Variants in GPC3 observed in about 807,000 individuals in gnomAD.
GPC3 encodes the protein glypican 3.
In GPC3, 3 loss-of-function variants were observed where a neutral mutation model predicts 34.4. The ratio of observed to expected loss-of-function variants is 0.09; its 90% CI spans 0.04 to 0.23. The LOEUF (loss-of-function observed/expected upper bound fraction) is 0.23. Among genes scored for constraint, GPC3 ranks in the 10% least tolerant of loss-of-function variants. GPC3 has a pLI of 1.00. For synonymous variants in GPC3, 177 were observed against 174.0 expected (o/e 1.02, Z -0.13); for missense variants, 351 against 445.6 (o/e 0.79, Z 1.91).
intron 7 of GPC3, among the ~76,000 whole-genome samples, chrX:133,559,531 C>T (rs2069523948): frequency 9.0e-6 from 1 of 111,081 alleles, no homozygotes; most frequent in Non-Finnish European, 1.9e-5. Flanking sequence ...ATGAGTGCCA[C>T]AAGAGAGGCA....
chrX:133,627,588 T>G, intron 6 of GPC3, among the ~76,000 whole-genome samples: 1 of 112,156 alleles, frequency 8.9e-6, no homozygotes, highest in Non-Finnish European at 1.9e-5. Context: ...GCTACACTCT[T>G]TCCTCTAAAC....
At chrX:133,708,116 T>C (rs2071234422) in intron 3 of GPC3, among the ~76,000 whole-genome samples, 1 of 112,041 alleles carries the variant, frequency 8.9e-6, no homozygotes, top group Non-Finnish European at 1.9e-5. Flanking sequence ...ATGTTGGTGG[T>C]TTACCAGTAC....
intron 3 of GPC3, among the ~76,000 whole-genome samples, chrX:133,700,851 G>C (rs770066920): frequency 1.8e-5 from 2 of 111,480 alleles, no homozygotes; most frequent in Admixed American, 9.5e-5. Flanking sequence ...ACTCCAGCCT[G>C]AGTGATAGAG....
intron 2 of GPC3, among the ~76,000 whole-genome samples, chrX:133,799,425 G>A (rs2075598173): frequency 9.0e-6 from 1 of 110,821 alleles, no homozygotes; most frequent in East Asian, 2.8e-4. Flanking sequence ...CTGGGCCAAA[G>A]GCTTGAAGTT....
chrX:133,694,975 C>A (rs1046995637), intron 4 of GPC3, among the ~76,000 whole-genome samples: 2 of 111,361 alleles, frequency 1.8e-5, no homozygotes, highest in East Asian at 5.7e-4. Flanking sequence ...AAGAAAACCA[C>A]AAAGAATGTG....
intron 5 of GPC3, among the ~76,000 whole-genome samples, chrX:133,691,291 G>C (rs2093033971): frequency 9.0e-6 from 1 of 110,649 alleles, no homozygotes; most frequent in Non-Finnish European, 1.9e-5. Context: ...CCAAGATCAG[G>C]AGTTTGAGAC....
intron 7 of GPC3, among the ~76,000 whole-genome samples, chrX:133,575,577 G>A (rs1603169377): frequency 1.8e-5 from 2 of 111,986 alleles, no homozygotes; most frequent in East Asian, 2.8e-4. Flanking sequence ...CCGAAGAACA[G>A]CACATGGGGC....
chrX:133,601,478 C>T (rs2069980055), intron 6 of GPC3, among the ~76,000 whole-genome samples: 1 of 111,967 alleles, frequency 8.9e-6, no homozygotes, highest in Non-Finnish European at 1.9e-5. Context: ...TAACGCCTGC[C>T]TCACAGAATT....
chrX:133,815,631 A>G (rs1267771536), intron 2 of GPC3, among the ~76,000 whole-genome samples: 3 of 112,303 alleles, frequency 2.7e-5, no homozygotes, highest in Admixed American at 9.4e-5. Context: ...CAATTTTTCA[A>G]GAGACCTGAT....
At chrX:133,692,316 A>C in intron 5 of GPC3, 53 bp downstream of exon 5, 1 of 1,140,158 alleles carries the variant, frequency 8.8e-7, no homozygotes, top group Non-Finnish European at 1.2e-6. Flanking sequence ...TTATATAAAC[A>C]TATGACAATT....
chrX:133,592,517 C>T (rs2069863538), intron 7 of GPC3, among the ~76,000 whole-genome samples: 1 of 110,222 alleles, frequency 9.1e-6, no homozygotes, highest in African/African-American at 3.3e-5. Context: ...TGAACATTAG[C>T]TTCTCTTATT....
intron 2 of GPC3, among the ~76,000 whole-genome samples, chrX:133,761,955 C>T (rs974747608): frequency 1.8e-5 from 2 of 112,086 alleles, no homozygotes; most frequent in Admixed American, 9.5e-5. Flanking sequence ...TTACACCTGG[C>T]TCCATCTTAC....
chrX:133,658,943 T>C (rs750475098), intron 6 of GPC3, among the ~76,000 whole-genome samples: 1 of 111,372 alleles, frequency 9.0e-6, no homozygotes, highest in South Asian at 3.8e-4. Context: ...TCTACAAACA[T>C]ACAAAACTGG....
At chrX:133,657,177 G>A (rs1019287659) in intron 6 of GPC3, among the ~76,000 whole-genome samples, 10 of 111,891 alleles carry the variant, frequency 8.9e-5, no homozygotes, top group African/African-American at 3.2e-5. Context: ...ACTGAAATGG[G>A]GAAACAATAA....
chrX:133,583,741 T>C (rs1208956591), intron 7 of GPC3, among the ~76,000 whole-genome samples: 2 of 112,354 alleles, frequency 1.8e-5, no homozygotes, highest in African/African-American at 3.2e-5. Flanking sequence ...ATCCATTCAA[T>C]TGAGGAATAG....
chrX:133,563,924 T>A (rs1190787261), intron 7 of GPC3, among the ~76,000 whole-genome samples: 3 of 111,091 alleles, frequency 2.7e-5, no homozygotes, highest in Non-Finnish European at 5.6e-5. Context: ...CTAGAAGTAT[T>A]TTGGAAAGAG....
intron 6 of GPC3, among the ~76,000 whole-genome samples, chrX:133,650,466 C>A (rs917051166): frequency 9.1e-6 from 1 of 109,415 alleles, no homozygotes; most frequent in Non-Finnish European, 1.9e-5. Flanking sequence ...CCCACACACA[C>A]ACACACACAC....
At chrX:133,739,612 G>A (rs1374950643) in intron 3 of GPC3, among the ~76,000 whole-genome samples, 1 of 111,157 alleles carries the variant, frequency 9.0e-6, no homozygotes, top group Non-Finnish European at 1.9e-5. Context: ...TTGGGAGGCT[G>A]AGGTGGGAGG....
chrX:133,957,989 T>A (rs2076423797), intron 1 of GPC3, among the ~76,000 whole-genome samples: 1 of 111,516 alleles, frequency 9.0e-6, no homozygotes, highest in South Asian at 3.8e-4. Context: ...CTTAATAACT[T>A]GCATTCCCAG....
Sources: gnomAD v4.1 joint callset for allele counts (sites outside exome capture counted in the v4.1 genomes callset) on GRCh38, gnomAD v4.1.1 for gene constraint, MANE v1.5 for transcripts, NCBI Gene and HGNC (gene_info 2026-07-23, HGNC 2026-07-21) for gene names.